The following CDH10 variants were observed in gnomAD, a reference collection of about 807,000 sequenced individuals.
CDH10 encodes the protein cadherin-10.
Under a neutral mutation model 73.1 loss-of-function variants are expected in CDH10, and 30 were observed. The observed-to-expected ratio is 0.41, with a 90% CI of 0.31 to 0.56. CDH10 has a LOEUF of 0.56. Among genes scored for constraint, CDH10 ranks in the 20% least tolerant of loss-of-function variants. The probability of loss-of-function intolerance (pLI) is 0.27; values close to 1 mark genes in which losing one functional copy is unlikely to be tolerated. For missense variants in CDH10, 815 were observed against 973.7 expected, an observed-to-expected ratio of 0.84 and a Z score of 2.17; for synonymous variants, 345 against 348.2, an observed-to-expected ratio of 0.99 and a Z score of 0.10.
intron 2 of CDH10, among the ~76,000 whole-genome samples, chr5:24,539,904 T>G (rs1469969805): frequency 6.6e-6 from 1 of 152,068 alleles, no homozygotes; most frequent in Non-Finnish European, 1.5e-5. Context: ...ACTGCATATC[T>G]CTTGTTCTAT....
chr5:24,544,530 A>G (rs1744270504), intron 2 of CDH10, among the ~76,000 whole-genome samples: 1 of 152,198 alleles, frequency 6.6e-6, no homozygotes, highest in African/African-American at 2.4e-5. Context: ...TTCACATTTG[A>G]CAGGGTTCCC....
intron 2 of CDH10, among the ~76,000 whole-genome samples, chr5:24,577,024 A>G (rs1449302925): frequency 6.6e-6 from 1 of 151,312 alleles, no homozygotes; most frequent in Non-Finnish European, 1.5e-5. Context: ...AAAAACCCAA[A>G]CTGAGAGATA....
chr5:24,592,382 T>C (rs1269098703), intron 2 of CDH10, among the ~76,000 whole-genome samples: 1 of 151,810 alleles, frequency 6.6e-6, no homozygotes, highest in Admixed American at 6.6e-5. Flanking sequence ...CTACTTAATT[T>C]CCTTTTATTC....
intron 1 of CDH10, among the ~76,000 whole-genome samples, chr5:24,594,146 G>A (rs1746292373): frequency 6.6e-6 from 1 of 151,776 alleles, no homozygotes; most frequent in Non-Finnish European, 1.5e-5. Context: ...AACTAGGAAT[G>A]CCTTCCTTTG....
chr5:24,548,704 G>C (rs533852483), intron 2 of CDH10, among the ~76,000 whole-genome samples: 6 of 152,074 alleles, frequency 3.9e-5, no homozygotes, highest in East Asian at 1.9e-4. Context: ...TTAATAATCA[G>C]AGTGATAAGC....
chr5:24,617,518 A>G lies in CDH10; in HGVS notation c.-123-23905T>C, dbSNP rs545040827. Among the ~76,000 whole-genome samples the G allele has an allele frequency of 7.2e-5, 11 of 152,332 alleles. No individual in the cohort carries two copies. In the East Asian group the frequency reaches 1.5e-3, roughly 21 times the overall value. ...CTATTTGAAAAAGAATTGGCTCCTCATAGCCTATGCATGCCAATATAAATT... is the reference window on the plus strand; with the variant it reads ...CTATTTGAAAAAGAATTGGCTCCTCGTAGCCTATGCATGCCAATATAAATT... On this transcript the variant is annotated intron_variant, in intron 1 of 11. Coordinates refer to ENST00000264463, the MANE Select transcript of CDH10 (RefSeq NM_006727.5).
At position 24,625,572 on chromosome 5, in the gene CDH10, TA is replaced by T. The variant is rs1561202707; in HGVS notation, c.-124+19021del. 2.2e-4 allele frequency among the ~76,000 whole-genome samples: 8 copies of T among 36,820 alleles called. No individual in the cohort carries two copies. The Admixed American group carries it at 3.2e-3, about 15-fold the overall frequency. 24.2% of individuals were successfully genotyped at this position (36,820 alleles called of 152,430 possible). On this transcript the variant is annotated intron_variant, in intron 1 of 11. Coordinates refer to ENST00000264463, the MANE Select transcript of CDH10 (RefSeq NM_006727.5). ...GTATATATATATATATTCATATATA[TA>T]CATATATTCATATATATGAATATAT... is the stretch of plus-strand genomic sequence containing the variant.
chr5:24,521,672 TAACTC>T (rs1387506695), intron 5 of CDH10, among the ~76,000 whole-genome samples: 1 of 151,950 alleles, frequency 6.6e-6, no homozygotes, highest in African/African-American at 2.4e-5. Context: ...CTCTAAAAAA[TAACTC>T]AGCATATTTG....
intron 2 of CDH10, among the ~76,000 whole-genome samples, chr5:24,580,817 G>A (rs200930030): frequency 2.6e-5 from 4 of 152,112 alleles, no homozygotes; most frequent in East Asian, 1.9e-4. Flanking sequence ...AGGAGACTCC[G>A]CTTCCTTGCC....
chr5:24,599,135 T>C (rs548863270), intron 1 of CDH10, among the ~76,000 whole-genome samples: 1 of 152,300 alleles, frequency 6.6e-6, no homozygotes, highest in South Asian at 2.1e-4. Flanking sequence ...GCAGTGCTAA[T>C]ACAGATGTGA....
rs144010357 is a variant in CDH10, at chr5:24,552,126, C to T, written c.232-14452G>A. Among the ~76,000 whole-genome samples the T allele has an allele frequency of 3.3e-3, 509 of 152,104 alleles. 1 individual carries two copies. Among genetic ancestry groups the T allele is most frequent in the Non-Finnish European group, 5.7e-3 (384 of 67,926 alleles). On this transcript the variant is annotated intron_variant, in intron 2 of 11. Transcript: ENST00000264463. ...TAAGTGCTTCTTGGTCTCAAATATA[C>T]ATATATCTCCATTTATTTAGGACAT...
chr5:24,508,654 G>A (rs1742784764), intron 7 of CDH10, among the ~76,000 whole-genome samples: 1 of 147,782 alleles, frequency 6.8e-6, no homozygotes, highest in Non-Finnish European at 1.5e-5. Context: ...GAGTAGATGG[G>A]ACTATAAGTG....
chr5:24,550,158 C>T (rs1386297305), intron 2 of CDH10, among the ~76,000 whole-genome samples: 1 of 152,022 alleles, frequency 6.6e-6, no homozygotes, highest in African/African-American at 2.4e-5. Flanking sequence ...AAATAAAGTA[C>T]ATGAAAATAA....
chr5:24,491,853 A>C, intron 10 of CDH10, 26 bp from the exon 11 acceptor site: 3 of 1,511,816 alleles, frequency 2.0e-6, no homozygotes, highest in Non-Finnish European at 2.7e-6. Context: ...AAATATTACA[A>C]ATGGTTTGGG....
intron 1 of CDH10, among the ~76,000 whole-genome samples, chr5:24,598,948 C>T (rs1384459498): frequency 6.6e-6 from 1 of 152,026 alleles, no homozygotes; most frequent in Non-Finnish European, 1.5e-5. Context: ...AAACATATGG[C>T]AGGGATAAAG....
intron 2 of CDH10, among the ~76,000 whole-genome samples, chr5:24,572,266 T>C (rs910183142): frequency 6.6e-6 from 1 of 152,092 alleles, no homozygotes; most frequent in Non-Finnish European, 1.5e-5. Flanking sequence ...AACCATGCCT[T>C]TCAACTTCCA....
At chr5:24,624,778 CATCCTTTCT>C (rs780266189) in intron 1 of CDH10, among the ~76,000 whole-genome samples, 2 of 152,162 alleles carry the variant, frequency 1.3e-5, no homozygotes, top group Non-Finnish European at 2.9e-5. Flanking sequence ...CTGAAATGCT[CATCCTTTCT>C]ATCATTAGCT....
At chr5:24,577,818 A>G (rs1745658531) in intron 2 of CDH10, among the ~76,000 whole-genome samples, 1 of 152,106 alleles carries the variant, frequency 6.6e-6, no homozygotes, top group African/African-American at 2.4e-5. Context: ...TAACAAGACC[A>G]TTTTTACTGG....
intron 2 of CDH10, among the ~76,000 whole-genome samples, chr5:24,553,772 C>T (rs1239805391): frequency 6.6e-6 from 1 of 152,032 alleles, no homozygotes; most frequent in Non-Finnish European, 1.5e-5. Flanking sequence ...GATGTGGAAC[C>T]TAATTCCTCT....
Sources: gnomAD v4.1 joint callset for allele counts (sites outside exome capture counted in the v4.1 genomes callset) on GRCh38, gnomAD v4.1.1 for gene constraint, MANE v1.5 for transcripts, NCBI Gene and HGNC (gene_info 2026-07-23, HGNC 2026-07-21) for gene names.